The following SAMD8 variants were observed in gnomAD, a reference collection of about 807,000 sequenced individuals.
SAMD8 encodes the protein sterile alpha motif domain containing 8.
In SAMD8, 20 loss-of-function variants were observed where a neutral mutation model predicts 42.0. The observed-to-expected ratio is 0.48, with a 90% confidence interval of 0.34 to 0.69. The LOEUF (loss-of-function observed/expected upper bound fraction) is 0.69, where lower values mean the gene tolerates loss of function less well. SAMD8 is among the 30% of genes least tolerant of loss of function. The pLI is 0.01. For synonymous variants in SAMD8, 162 were observed against 173.0 expected (o/e 0.94, Z 0.50); for missense variants, 328 against 511.6 (o/e 0.64, Z 3.46).
At position 75,170,767 on chromosome 10, in the gene SAMD8, TG is replaced by T. The variant is rs1203716000; in HGVS notation, c.792+2112del. The stretch of plus-strand genomic sequence containing the variant: ...ACTTACACACTCATATAAGTTTTTT[TG>T]GGTTTTTTTTTTTTTTTTTTTTTGA... On this transcript the variant is annotated intron_variant, in intron 4 of 5. Coordinates refer to ENST00000542569, the MANE Select transcript of SAMD8 (RefSeq NM_001174156.2). Among the ~76,000 whole-genome samples the T allele has an allele frequency of 7.9e-5, 11 of 139,146 alleles. No individual in the cohort carries two copies. In the East Asian group the frequency reaches 1.2e-3, roughly 15 times the overall value. 91.3% of individuals were successfully genotyped at this position (139,146 alleles called of 152,430 possible).
In SAMD8 at chr10:75,150,963, G is replaced by A. The variant is rs141340640; in HGVS notation, c.435G>A (p.Leu145=). Residue 145 remains leucine (L), a synonymous_variant, in exon 2 of 6, where the codon TTG becomes TTA. Transcript: ENST00000542569. ...AAAACAAACATTCTGTTCGAAGATTGGACCCAGAATACTGGAAGACTATAC... is the reference window on the plus strand; with the variant it reads ...AAAACAAACATTCTGTTCGAAGATTAGACCCAGAATACTGGAAGACTATAC... ...NGKNKHSVRR[L]DPEYWKTILS... The A allele has an allele frequency of 9.9e-5, 159 of 1,613,146 alleles. 1 individual carries two copies. The African/African-American group carries it at 1.8e-3, about 18-fold the overall frequency.
Position 75,105,581 on chromosome 10 carries a change from C to A in SAMD8, c.-16+5853C>A, listed in dbSNP as rs1848441500. 5 of 1,334,972 alleles carry A rather than the reference C, an allele frequency of 3.7e-6. No homozygotes were observed. The South Asian group carries it at 6.6e-5, about 18-fold the overall frequency. 82.7% of individuals were successfully genotyped at this position (1,334,972 alleles called of 1,614,324 possible). On this transcript the variant is annotated intron_variant, in intron 1 of 3. Coordinates refer to the SAMD8 transcript ENST00000447533. The stretch of plus-strand genomic sequence containing the variant: ...CCCTGCCAACCAATCCTGGAAGAAT[C>A]CAATCCTATGTCTGCAGCCTAGGCC...
intron 2 of SAMD8, among the ~76,000 whole-genome samples, chr10:75,158,247 A>G (rs1840466831): frequency 6.6e-6 from 1 of 152,136 alleles, no homozygotes; most frequent in Non-Finnish European, 1.5e-5. Context: ...AAAACAAAGC[A>G]TAGTGGGAGA....
upstream of SAMD8, among the ~76,000 whole-genome samples, chr10:75,110,243 C>T (rs1036540754): frequency 3.9e-5 from 6 of 152,098 alleles, no homozygotes; most frequent in African/African-American, 1.4e-4. Context: ...ACTTTGAGAG[C>T]CAAAGGGGCT....
chr10:75,124,702 A>C (rs186186972), intron 1 of SAMD8, among the ~76,000 whole-genome samples: 16 of 151,332 alleles, frequency 1.1e-4, no homozygotes, highest in Non-Finnish European at 1.8e-4. Flanking sequence ...CTGTTCCTCT[A>C]CTTTTTAGAA....
At position 75,131,669 on chromosome 10, in the gene SAMD8, T is replaced by A. The variant is rs111451033; in HGVS notation, c.-15-18845T>A. Among the ~76,000 whole-genome samples the A allele has an allele frequency of 6.8e-4, 103 of 152,306 alleles. 1 individual carries two copies. The highest frequency in any genetic ancestry group is 2.1e-3 in the African/African-American group (88 of 41,574). The stretch of plus-strand genomic sequence containing the variant: ...TCCAAAATATGGTAAGAATATTTTT[T>A]AAAAATCTATAATAAATCTTTAAAT... On this transcript the variant is annotated intron_variant, in intron 1 of 5. Transcript: ENST00000542569.
chr10:75,139,284 C>A lies in SAMD8; in HGVS notation c.-15-11230C>A, dbSNP rs560133253. On this transcript the variant is annotated intron_variant, in intron 1 of 5. Transcript: ENST00000542569. ...ACCCATTAACATTTTGGACAAGTAC[C>A]AAGCTTTGCATGAAATGCTTTTTAA... Among the ~76,000 whole-genome samples, 24 of 152,112 alleles carry A rather than the reference C, an allele frequency of 1.6e-4. 1 individual carries two copies. In the South Asian group the frequency reaches 4.8e-3, roughly 30 times the overall value.
intron 1 of SAMD8, chr10:75,103,747 G>T (rs1848320892): frequency 1.7e-6 from 1 of 573,204 alleles, no homozygotes; most frequent in African/African-American, 2.0e-5. Context: ...AGCCCTGAGG[G>T]GAGCTGCTGG....
chr10:75,171,141 T>C (rs1199015423), intron 4 of SAMD8, among the ~76,000 whole-genome samples: 1 of 139,902 alleles, frequency 7.1e-6, no homozygotes, highest in African/African-American at 2.7e-5. Context: ...GTTTTCCTTT[T>C]CTTTCTTTCT....
In SAMD8 at chr10:75,181,802, A is replaced by G. The variant is rs962918489; in HGVS notation, c.*5110A>G. 5 of 152,250 alleles carry G rather than the reference A, an allele frequency of 3.3e-5. No homozygotes were observed. Among genetic ancestry groups the G allele is most frequent in the African/African-American group, 1.2e-4 (5 of 41,460 alleles). The allele number at this position is 152,250 out of a possible 1,614,324, so 9.4% of individuals were successfully genotyped here. A position where few individuals can be genotyped will look rare whatever the true frequency, so the allele number is the denominator to read the frequency against. ...GTTTTATTCAGAGGATCTATGTATT[A>G]TTAGAAAAATGAAGTATTTCTGACA... is the stretch of plus-strand genomic sequence containing the variant. On this transcript the variant is annotated 3_prime_UTR_variant, in exon 6 of 6. Coordinates refer to ENST00000542569, the MANE Select transcript of SAMD8 (RefSeq NM_001174156.2).
chr10:75,112,146 G>A (rs1848785056), intron 1 of SAMD8, among the ~76,000 whole-genome samples: 1 of 152,180 alleles, frequency 6.6e-6, no homozygotes, highest in Non-Finnish European at 1.5e-5. Flanking sequence ...CCAGGGCGAG[G>A]GAGGGCGATC....
At chr10:75,103,800 C>T (rs1233373166) in intron 1 of SAMD8, 34 of 1,015,502 alleles carry the variant, frequency 3.3e-5, no homozygotes, top group Non-Finnish European at 4.4e-5. Context: ...CTGGAACCCC[C>T]TTCCTCTCTC....
Position 75,164,628 on chromosome 10 carries a change from AT to A in SAMD8, c.579-10del. 2 of 1,611,292 alleles carry A rather than the reference AT, an allele frequency of 1.2e-6. No individual in the cohort carries two copies. The highest frequency in any genetic ancestry group is 1.7e-6 in the Non-Finnish European group (2 of 1,177,942). ...ATGTATACTTCTTCAATTCAAAATC[AT>A]TTTTTTCTGTTCCAGCGTTCCTAGA... On this transcript the variant is annotated splice_polypyrimidine_tract_variant and intron_variant, in intron 2 of 5. Coordinates refer to ENST00000542569, the MANE Select transcript of SAMD8 (RefSeq NM_001174156.2).
At chr10:75,131,988 A>G (rs964209332) in intron 1 of SAMD8, among the ~76,000 whole-genome samples, 3 of 152,200 alleles carry the variant, frequency 2.0e-5, no homozygotes, top group African/African-American at 7.2e-5. Flanking sequence ...ATACAAATAC[A>G]CTGTAAAATT....
chr10:75,130,226 G>C (rs1029612742), intron 1 of SAMD8, among the ~76,000 whole-genome samples: 1 of 152,028 alleles, frequency 6.6e-6, no homozygotes, highest in Non-Finnish European at 1.5e-5. Flanking sequence ...GATCAGCCAG[G>C]CACGGTGACT....
chr10:75,161,939 A>C (rs1840567174), intron 2 of SAMD8, among the ~76,000 whole-genome samples: 1 of 152,150 alleles, frequency 6.6e-6, no homozygotes, highest in African/African-American at 2.4e-5. Flanking sequence ...CGGGAGGCTG[A>C]GACAGGGAGA....
chr10:75,180,465 A>ATCCC lies in SAMD8; in HGVS notation c.*3773_*3774insTCCC, dbSNP rs1446231752. 6.6e-5 allele frequency: 10 copies of ATCCC among 152,502 alleles called. No individual in the cohort carries two copies. The highest frequency in any genetic ancestry group is 2.1e-4 in the South Asian group (1 of 4,822). 9.4% of individuals were successfully genotyped at this position (152,502 alleles called of 1,614,324 possible). ...ATGCCTGTAGTCCCAGCTACTCGGG[A>ATCCC]GGCTGAGGCAGAAGAATCGCTTGAA... On this transcript the variant is annotated 3_prime_UTR_variant, in exon 6 of 6. Transcript: ENST00000542569.
chr10:75,135,820 C>T (rs553163547), intron 1 of SAMD8, among the ~76,000 whole-genome samples: 70 of 150,540 alleles, frequency 4.6e-4, no homozygotes, highest in African/African-American at 1.6e-3. Context: ...GACAAGACTC[C>T]GTCCGTATCA....
At chr10:75,116,957 G>A (rs1589931320) in intron 1 of SAMD8, among the ~76,000 whole-genome samples, 1 of 152,044 alleles carries the variant, frequency 6.6e-6, no homozygotes, top group East Asian at 1.9e-4. Context: ...TTACAGGCGC[G>A]TGCCACCATG....
Sources: allele counts gnomAD v4.1 joint callset (sites outside exome capture counted in the v4.1 genomes callset), GRCh38; gene constraint gnomAD v4.1.1; transcripts MANE v1.5; gene names NCBI Gene and HGNC (gene_info 2026-07-23, HGNC 2026-07-21).